RGS6: variants seen among roughly 807,000 people sequenced by gnomAD.
RGS6 encodes regulator of G-protein signaling 6.
A neutral mutation model predicts 78.5 loss-of-function variants in RGS6; 30 were observed. The ratio of observed to expected loss-of-function variants is 0.38; its 90% CI spans 0.29 to 0.52. The LOEUF (loss-of-function observed/expected upper bound fraction) is 0.52. Ranked by LOEUF, RGS6 falls within the 20% of genes least tolerant of loss-of-function variation. The pLI is 0.85. For missense variants in RGS6, 495 were observed against 609.7 expected, an observed-to-expected ratio of 0.81 and a Z score of 1.98; for synonymous variants, 206 against 206.0, an observed-to-expected ratio of 1.00 and a Z score of 0.00.
the RGS6 span, among the ~76,000 whole-genome samples, chr14:72,610,285 C>T: frequency 6.6e-6 from 1 of 152,316 alleles, no homozygotes; most frequent in African/African-American, 2.4e-5. Context: ...GGAGCCTGTG[C>T]AGGCCTGAGC....
intron 7 of RGS6, 46 bp from the exon 8 acceptor site, chr14:72,469,961 A>G (rs993661394): frequency 6.3e-6 from 9 of 1,418,348 alleles, no homozygotes; most frequent in Non-Finnish European, 9.0e-6. Flanking sequence ...CGATGTGCTA[A>G]TTTACGATGA....
chr14:71,901,445 T>C, the RGS6 span, among the ~76,000 whole-genome samples: 15 of 152,380 alleles, frequency 9.8e-5, no homozygotes, highest in East Asian at 2.9e-3. Context: ...ATTCATGTTG[T>C]TATTTTCCAA....
chr14:72,618,043 C>G, the RGS6 span, among the ~76,000 whole-genome samples: 13 of 142,550 alleles, frequency 9.1e-5, no homozygotes, highest in Non-Finnish European at 1.8e-4. Context: ...CTCCCCACCT[C>G]TTTCTTCTAG....
At chr14:72,045,131 A>G (rs1421193761) in intron 2 of RGS6, among the ~76,000 whole-genome samples, 1 of 152,192 alleles carries the variant, frequency 6.6e-6, no homozygotes, top group Non-Finnish European at 1.5e-5. Context: ...AATTCCCCTG[A>G]TGAATCCCCT....
intron 15 of RGS6, among the ~76,000 whole-genome samples, chr14:72,535,369 C>G (rs1169255745): frequency 6.6e-6 from 1 of 152,174 alleles, no homozygotes; most frequent in Non-Finnish European, 1.5e-5. Flanking sequence ...GACCCAATTG[C>G]ATTATTGCCT....
chr14:72,157,315 A>C (rs1478948665), intron 2 of RGS6, among the ~76,000 whole-genome samples: 1 of 152,162 alleles, frequency 6.6e-6, no homozygotes, highest in Non-Finnish European at 1.5e-5. Context: ...TGTCTGGCCA[A>C]TGGAAACGGG....
At chr14:72,141,362 C>T (rs1046504475) in intron 2 of RGS6, among the ~76,000 whole-genome samples, 2 of 152,162 alleles carry the variant, frequency 1.3e-5, no homozygotes, top group African/African-American at 4.8e-5. Flanking sequence ...CTTCTGCATA[C>T]CTCTGTGGAG....
At chr14:71,886,471 AG>A in the RGS6 span, among the ~76,000 whole-genome samples, 46 of 152,362 alleles carry the variant, frequency 3.0e-4, no homozygotes, top group Middle Eastern at 3.4e-3. Flanking sequence ...CCAAGTAAGC[AG>A]TAATACAGTG....
intron 2 of RGS6, among the ~76,000 whole-genome samples, chr14:72,104,424 ATAAAC>A (rs2095591595): frequency 6.6e-6 from 1 of 152,248 alleles, no homozygotes; most frequent in African/African-American, 2.4e-5. Flanking sequence ...AAAGCTATGT[ATAAAC>A]TAATTATGCT....
intron 3 of RGS6, among the ~76,000 whole-genome samples, chr14:72,365,451 T>C (rs915286916): frequency 2.0e-5 from 3 of 152,230 alleles, no homozygotes; most frequent in Non-Finnish European, 4.4e-5. Flanking sequence ...CGAGTCCCTT[T>C]AAAGCTGGCT....
chr14:72,327,689 T>C (rs573998994), intron 2 of RGS6, among the ~76,000 whole-genome samples: 28 of 152,324 alleles, frequency 1.8e-4, no homozygotes, highest in African/African-American at 6.7e-4. Context: ...TGCTAGAGCA[T>C]AATTATGTAT....
the RGS6 span, among the ~76,000 whole-genome samples, chr14:71,889,594 G>A: frequency 0.17 from 26,165 of 152,108 alleles, 3,609 homozygotes; most frequent in African/African-American, 0.38. Context: ...TCAGAGAGGG[G>A]ATAATTGAGT....
intron 2 of RGS6, among the ~76,000 whole-genome samples, chr14:72,322,017 T>C (rs1008999378): frequency 6.6e-6 from 1 of 151,978 alleles, no homozygotes; most frequent in Non-Finnish European, 1.5e-5. Flanking sequence ...ATATTTAAAA[T>C]TAATGATAAT....
chr14:72,361,216 C>G (rs935108709), intron 3 of RGS6, among the ~76,000 whole-genome samples: 1 of 151,602 alleles, frequency 6.6e-6, no homozygotes, highest in African/African-American at 2.4e-5. Flanking sequence ...ATTTTTTTCC[C>G]CATCCACATT....
the RGS6 span, among the ~76,000 whole-genome samples, chr14:71,887,405 G>A: frequency 2.0e-5 from 3 of 152,198 alleles, no homozygotes; most frequent in African/African-American, 7.2e-5. Flanking sequence ...CAGGCAAAAA[G>A]AGCCATATTT....
chr14:72,275,482 G>T (rs1031842476), intron 2 of RGS6, among the ~76,000 whole-genome samples: 4 of 152,290 alleles, frequency 2.6e-5, no homozygotes, highest in South Asian at 2.1e-4. Flanking sequence ...ACAGTAGGGG[G>T]AACTGAAATC....
At chr14:72,465,550 C>CTGGATGGATGGATGGATGGA (rs563552344) in intron 6 of RGS6, among the ~76,000 whole-genome samples, 3 of 110,308 alleles carry the variant, frequency 2.7e-5, no homozygotes, top group Non-Finnish European at 5.4e-5. Flanking sequence ...GGCGGGCTGT[C>CTGGATGGATGGATGGATGGA]TGGATGGATG....
intron 2 of RGS6, among the ~76,000 whole-genome samples, chr14:72,135,998 A>G (rs1333877675): frequency 6.6e-6 from 1 of 152,170 alleles, no homozygotes; most frequent in African/African-American, 2.4e-5. Flanking sequence ...GGACAGTGGT[A>G]TGTGCTTCAG....
chr14:72,002,912 G>A (rs766524396), intron 2 of RGS6, among the ~76,000 whole-genome samples: 8 of 152,110 alleles, frequency 5.3e-5, no homozygotes, highest in Non-Finnish European at 8.8e-5. Context: ...CTGCAAAATC[G>A]AATTCAGTGA....
Sources: gnomAD v4.1 joint callset for allele counts (sites outside exome capture counted in the v4.1 genomes callset) on GRCh38, gnomAD v4.1.1 for gene constraint, MANE v1.5 for transcripts, NCBI Gene and HGNC (gene_info 2026-07-23, HGNC 2026-07-21) for gene names.